The following AGBL4 variants were observed in gnomAD, a reference collection of about 807,000 sequenced individuals.
AGBL4 encodes AGBL carboxypeptidase 4.
AGBL4 carries 58 observed loss-of-function variants against 66.4 expected under a neutral mutation model. That is an observed-to-expected ratio of 0.87 (90% CI 0.71 to 1.09). The LOEUF is 1.09. Among genes scored for constraint, AGBL4 ranks in the 50% least tolerant of loss-of-function variants. AGBL4 has a pLI of 0.00. For synonymous variants in AGBL4, 234 were observed against 222.9 expected, an observed-to-expected ratio of 1.05 and a Z score of -0.44; for missense variants, 579 against 631.0, an observed-to-expected ratio of 0.92 and a Z score of 0.88.
chr1:48,591,017 C>G (rs762030471), intron 9 of AGBL4, 32 bp from the exon 10 acceptor site: 2 of 1,582,934 alleles, frequency 1.3e-6, no homozygotes, highest in Non-Finnish European at 1.7e-6. Flanking sequence ...AATGAGAAGT[C>G]TGGGCTGTAG....
At chr1:48,976,533 A>G (rs1292384895) in intron 5 of AGBL4, among the ~76,000 whole-genome samples, 1 of 152,164 alleles carries the variant, frequency 6.6e-6, no homozygotes, top group Non-Finnish European at 1.5e-5. Flanking sequence ...TTCTAGCACC[A>G]TCATCCATGG....
intron 4 of AGBL4, among the ~76,000 whole-genome samples, chr1:49,063,262 G>T (rs1644434326): frequency 6.6e-6 from 1 of 152,186 alleles, no homozygotes; most frequent in Non-Finnish European, 1.5e-5. Flanking sequence ...ACCCTGTGCA[G>T]TGTCTTTCAA....
chr1:49,503,215 T>C (rs903753682), intron 3 of AGBL4, among the ~76,000 whole-genome samples: 1 of 152,056 alleles, frequency 6.6e-6, no homozygotes, highest in Admixed American at 6.6e-5. Flanking sequence ...CCCCCAGCCT[T>C]AGTAACTTCC....
At chr1:49,140,779 TC>T (rs2148093373) in intron 4 of AGBL4, among the ~76,000 whole-genome samples, 1 of 152,320 alleles carries the variant, frequency 6.6e-6, no homozygotes, top group African/African-American at 2.4e-5. Flanking sequence ...TGTATCCAGA[TC>T]TTTTTCCTTT....
chr1:49,308,129 C>A (rs1219063890), intron 3 of AGBL4, among the ~76,000 whole-genome samples: 2 of 152,132 alleles, frequency 1.3e-5, no homozygotes. Flanking sequence ...CTCCCTGAGG[C>A]CTCCCCAGAA....
intron 4 of AGBL4, among the ~76,000 whole-genome samples, chr1:49,085,487 T>C (rs1186936644): frequency 4.0e-5 from 6 of 151,866 alleles, no homozygotes; most frequent in African/African-American, 7.3e-5. Context: ...CCAATTACTA[T>C]AAAAATATCT....
intron 6 of AGBL4, among the ~76,000 whole-genome samples, chr1:48,724,100 A>C (rs191925711): frequency 1.1e-3 from 167 of 152,348 alleles, no homozygotes; most frequent in South Asian, 3.1e-3. Context: ...TAGGAGGAGC[A>C]CACTTCAGTA....
chr1:49,794,056 A>T (rs1644671765), intron 2 of AGBL4, among the ~76,000 whole-genome samples: 1 of 151,946 alleles, frequency 6.6e-6, no homozygotes, highest in African/African-American at 2.4e-5. Flanking sequence ...ATTTTCAGGA[A>T]AGTAGTGAGT....
intron 4 of AGBL4, among the ~76,000 whole-genome samples, chr1:49,194,379 C>T (rs961927465): frequency 7.2e-5 from 11 of 152,056 alleles, no homozygotes; most frequent in African/African-American, 2.7e-4. Context: ...ATGTTTTTCA[C>T]CCCTATACTT....
chr1:49,464,258 C>T (rs1420588989), intron 3 of AGBL4, among the ~76,000 whole-genome samples: 1 of 151,734 alleles, frequency 6.6e-6, no homozygotes, highest in Non-Finnish European at 1.5e-5. Flanking sequence ...TATACTCTCA[C>T]TTGATTATGC....
At chr1:49,613,656 T>C (rs979046545) in intron 3 of AGBL4, among the ~76,000 whole-genome samples, 2 of 152,264 alleles carry the variant, frequency 1.3e-5, no homozygotes, top group East Asian at 3.9e-4. Flanking sequence ...TGATGATCTG[T>C]CACTGTCTCC....
At chr1:49,702,869 A>G (rs190093810) in intron 2 of AGBL4, among the ~76,000 whole-genome samples, 68 of 150,720 alleles carry the variant, frequency 4.5e-4, no homozygotes, top group Middle Eastern at 6.8e-3. Flanking sequence ...ATAGATGCAT[A>G]AAAAAAATCT....
chr1:49,008,289 C>T lies in AGBL4; in HGVS notation c.594+37295G>A, dbSNP rs568842333. Among the ~76,000 whole-genome samples the T allele has an allele frequency of 7.1e-3, 1,084 of 152,132 alleles. 15 individuals are homozygous for T. Among genetic ancestry groups the T allele is most frequent in the African/African-American group, 0.025 (1,043 of 41,490 alleles). ...TCAAAAGAGACAAAGAAGGCCACTACATAATGGTAAAGGGATCAATTCAAC... is the reference window on the plus strand; with the variant it reads ...TCAAAAGAGACAAAGAAGGCCACTATATAATGGTAAAGGGATCAATTCAAC... On this transcript the variant is annotated intron_variant, in intron 5 of 13. Transcript: ENST00000371839.
At chr1:48,537,460 G>T (rs1380095493) in intron 12 of AGBL4, among the ~76,000 whole-genome samples, 1 of 152,072 alleles carries the variant, frequency 6.6e-6, no homozygotes, top group East Asian at 1.9e-4. Context: ...ATCCGTGTCG[G>T]GGTTCCATCC....
chr1:49,530,274 A>AAAAAAAAAAAAAAAAAAAAAAAAAAC, intron 3 of AGBL4, among the ~76,000 whole-genome samples: 17 of 134,802 alleles, frequency 1.3e-4, no homozygotes, highest in African/African-American at 5.5e-4. Context: ...AAAAAAAAAC[A>AAAAAAAAAAAAAAAAAAAAAAAAAAC]AAAAAAAACT....
At chr1:49,796,470 C>G (rs1040439644) in intron 2 of AGBL4, among the ~76,000 whole-genome samples, 1 of 151,074 alleles carries the variant, frequency 6.6e-6, no homozygotes, top group Non-Finnish European at 1.5e-5. Context: ...ATTCCAACCG[C>G]TTAATAATAT....
intron 4 of AGBL4, among the ~76,000 whole-genome samples, chr1:49,212,676 C>G (rs966476508): frequency 1.3e-5 from 2 of 152,114 alleles, no homozygotes; most frequent in African/African-American, 2.4e-5. Context: ...CTGCAATACT[C>G]TCTCAGATCA....
At chr1:49,906,528 C>T (rs1306837962) in intron 1 of AGBL4, among the ~76,000 whole-genome samples, 1 of 152,040 alleles carries the variant, frequency 6.6e-6, no homozygotes, top group Admixed American at 6.6e-5. Context: ...TCCTACTAAG[C>T]ATACCCAATA....
chr1:49,112,304 C>T (rs1045800363), intron 4 of AGBL4, among the ~76,000 whole-genome samples: 2 of 152,190 alleles, frequency 1.3e-5, no homozygotes, highest in African/African-American at 2.4e-5. Context: ...AAATAACAGA[C>T]ACATACAGGC....
Sources: gnomAD v4.1 joint callset for allele counts (sites outside exome capture counted in the v4.1 genomes callset) on GRCh38, gnomAD v4.1.1 for gene constraint, MANE v1.5 for transcripts, NCBI Gene and HGNC (gene_info 2026-07-23, HGNC 2026-07-21) for gene names.